The following OR3A2 variants were observed in gnomAD, a reference collection of about 807,000 sequenced individuals.
OR3A2 encodes the protein olfactory receptor family 3 subfamily A member 2, also known as olfactory receptor 3A2.
For missense variants in OR3A2, 318 were observed against 392.8 expected (o/e 0.81, Z 1.61); for synonymous variants, 126 against 159.3 (o/e 0.79, Z 1.57).
At chr17:3,285,750 T>G (rs1264767416), upstream of OR3A2, among the ~76,000 whole-genome samples, 1 of 152,164 alleles carries the variant, frequency 6.6e-6, no homozygotes, top group Admixed American at 6.5e-5. Context: ...ATCGCACCAC[T>G]GCACTGCAGC....
intron 1 of OR3A2, among the ~76,000 whole-genome samples, chr17:3,280,209 T>C (rs1030435403): frequency 6.6e-6 from 1 of 152,108 alleles, no homozygotes; most frequent in African/African-American, 2.4e-5. Flanking sequence ...CCAATGGCTC[T>C]AATGATACAT....
intron 2 of OR3A2, among the ~76,000 whole-genome samples, chr17:3,381,474 G>A (rs1204897852): frequency 6.6e-6 from 1 of 152,094 alleles, no homozygotes; most frequent in East Asian, 1.9e-4. Flanking sequence ...CAGCATCCAG[G>A]GAGCCCAGCC....
chr17:3,347,070 G>C (rs80310085), intron 2 of OR3A2, among the ~76,000 whole-genome samples: 2,341 of 152,150 alleles, frequency 0.015, 19 homozygotes, highest in Non-Finnish European at 0.023. Flanking sequence ...CGAGACTGCT[G>C]GATCATAGGA....
At chr17:3,281,764 TG>T (rs1447215737) in intron 1 of OR3A2, among the ~76,000 whole-genome samples, 4 of 152,212 alleles carry the variant, frequency 2.6e-5, no homozygotes, top group African/African-American at 9.6e-5. Context: ...TGCAAAGGTT[TG>T]GTGGTATTTC....
upstream of OR3A2, among the ~76,000 whole-genome samples, chr17:3,285,640 T>C (rs932130937): frequency 7.9e-5 from 12 of 151,924 alleles, no homozygotes; most frequent in African/African-American, 2.9e-4. Flanking sequence ...TAACAAAAAT[T>C]TGTCAGGCAC....
intron 2 of OR3A2, among the ~76,000 whole-genome samples, chr17:3,365,001 A>C (rs1488322861): frequency 6.6e-6 from 1 of 152,138 alleles, no homozygotes; most frequent in African/African-American, 2.4e-5. Flanking sequence ...TGCTTTTTTT[A>C]AGTTAGCAGC....
At chr17:3,370,586 C>G (rs186574361) in intron 2 of OR3A2, among the ~76,000 whole-genome samples, 598 of 150,930 alleles carry the variant, frequency 4.0e-3, no homozygotes, top group African/African-American at 0.014. Context: ...GTTCTTGTTT[C>G]TCTAGTTCCT....
chr17:3,352,166 T>A (rs1379845317), intron 2 of OR3A2, among the ~76,000 whole-genome samples: 1 of 152,010 alleles, frequency 6.6e-6, no homozygotes, highest in East Asian at 1.9e-4. Context: ...CTTTGCCAGA[T>A]GGGTAGTTTG....
chr17:3,372,902 G>GGAGAGGGAGAGGGA (rs1555530498), intron 2 of OR3A2, among the ~76,000 whole-genome samples: 5 of 146,526 alleles, frequency 3.4e-5, no homozygotes, highest in African/African-American at 1.3e-4. Context: ...AGAGGGAGAG[G>GGAGAGGGAGAGGGA]GAGAGGGCTC....
upstream of OR3A2, among the ~76,000 whole-genome samples, chr17:3,285,046 A>G (rs570783769): frequency 6.6e-6 from 1 of 152,204 alleles, no homozygotes; most frequent in African/African-American, 2.4e-5. Context: ...TGGGGATCCT[A>G]TAATGATTCT....
intron 3 of OR3A2, among the ~76,000 whole-genome samples, chr17:3,331,670 G>A (rs987578624): frequency 6.6e-5 from 10 of 151,380 alleles, no homozygotes; most frequent in South Asian, 4.2e-4. Context: ...ATGTCCTCCC[G>A]TAGCTCAGAG....
At chr17:3,330,904 C>A (rs2049226540) in intron 3 of OR3A2, among the ~76,000 whole-genome samples, 1 of 151,360 alleles carries the variant, frequency 6.6e-6, no homozygotes, top group South Asian at 2.1e-4. Flanking sequence ...TTAGGGCAGG[C>A]CTGGTGGTGA....
In OR3A2 at chr17:3,290,271, G is replaced by A. The variant is rs142106587; in HGVS notation, c.-84-11118C>T. Among the ~76,000 whole-genome samples, 54 of 152,120 alleles carry A rather than the reference G, an allele frequency of 3.5e-4. No individual in the cohort carries two copies. The East Asian group carries it at 7.5e-3, about 21-fold the overall frequency. The stretch of plus-strand genomic sequence containing the variant: ...TGTGACCCACTTATTTTATGCCCCC[G>A]CTTTCTTCCTCTGATCTTTCAATAC... On this transcript the variant is annotated intron_variant, in intron 3 of 4. Transcript: ENST00000573491.
At chr17:3,321,274 T>C (rs1373123809) in intron 3 of OR3A2, among the ~76,000 whole-genome samples, 2 of 152,024 alleles carry the variant, frequency 1.3e-5, no homozygotes, top group Non-Finnish European at 2.9e-5. Flanking sequence ...TTAAGGAGAT[T>C]TTGGGCTGAG....
At chr17:3,333,150 T>G (rs745437917) in intron 3 of OR3A2, among the ~76,000 whole-genome samples, 1 of 152,210 alleles carries the variant, frequency 6.6e-6, no homozygotes. Context: ...ATTGCATTCC[T>G]GGGTGGAGGT....
At chr17:3,349,538 C>T (rs546318875) in intron 2 of OR3A2, among the ~76,000 whole-genome samples, 1 of 152,252 alleles carries the variant, frequency 6.6e-6, no homozygotes, top group African/African-American at 2.4e-5. Flanking sequence ...ACAGCAAGTC[C>T]TGAGTGATCT....
intron 2 of OR3A2, among the ~76,000 whole-genome samples, chr17:3,361,840 G>A (rs1285352229): frequency 2.0e-5 from 3 of 151,414 alleles, no homozygotes; most frequent in East Asian, 1.9e-4. Context: ...GAGGATTTTT[G>A]CATTGATGTT....
chr17:3,323,974 C>T (rs2150637237), intron 3 of OR3A2, among the ~76,000 whole-genome samples: 1 of 152,216 alleles, frequency 6.6e-6, no homozygotes, highest in South Asian at 2.1e-4. Flanking sequence ...GTTCCATTCT[C>T]CCCGTCATTT....
intron 2 of OR3A2, among the ~76,000 whole-genome samples, chr17:3,349,347 C>A (rs1016457215): frequency 6.6e-6 from 1 of 151,952 alleles, no homozygotes; most frequent in African/African-American, 2.4e-5. Flanking sequence ...ATGTACCAAG[C>A]AAATGGAAAA....
Sources: allele counts gnomAD v4.1 joint callset (sites outside exome capture counted in the v4.1 genomes callset), GRCh38; gene constraint gnomAD v4.1.1; transcripts MANE v1.5; gene names NCBI Gene and HGNC (gene_info 2026-07-23, HGNC 2026-07-21).